Variants in RASAL2 observed in about 807,000 individuals in gnomAD.
RASAL2 encodes the protein RAS protein activator like 2.
Under a neutral mutation model 128.9 loss-of-function variants are expected in RASAL2, and 58 were observed. The ratio of observed to expected loss-of-function variants is 0.45; its 90% CI spans 0.36 to 0.56. The LOEUF (loss-of-function observed/expected upper bound fraction) is 0.56, where lower values mean the gene tolerates loss of function less well. Among genes scored for constraint, RASAL2 ranks in the 20% least tolerant of loss-of-function variants. The probability of loss-of-function intolerance (pLI) is 0.00; values close to 1 mark genes in which losing one functional copy is unlikely to be tolerated. For missense variants in RASAL2, 1,360 were observed against 1,601.6 expected (o/e 0.85, Z 2.57); for synonymous variants, 561 against 580.8 (o/e 0.97, Z 0.49).
Position 178,458,198 on chromosome 1 carries a change from A to T in RASAL2, c.2906A>T (p.Asn969Ile), listed in dbSNP as rs200117219. ...GACTTCAAGCTCAGTGGACCCAGCAATAGCAGCATGGAAGATTTCACTAAA... is the reference window on the plus strand; with the variant it reads ...GACTTCAAGCTCAGTGGACCCAGCATTAGCAGCATGGAAGATTTCACTAAA... ...SEDFKLSGPS[N>I]SSMEDFTKRS... Residue 969 changes from asparagine (N) to isoleucine (I), a missense_variant, in exon 14 of 18, where the codon AAT (asparagine) becomes ATT (isoleucine). This residue lies in a region of RASAL2 where 741 missense variants were observed against 868.6 expected (regional missense o/e 0.85). Coordinates refer to ENST00000367649, the MANE Select transcript of RASAL2 (RefSeq NM_170692.4). The T allele has an allele frequency of 6.2e-7, 1 of 1,614,152 alleles. No individual in the cohort carries two copies. Among genetic ancestry groups the T allele is most frequent in the African/African-American group, 1.3e-5 (1 of 74,950 alleles).
At chr1:178,298,876 A>T (rs1220250499) in intron 2 of RASAL2, among the ~76,000 whole-genome samples, 2 of 151,990 alleles carry the variant, frequency 1.3e-5, no homozygotes, top group Admixed American at 6.6e-5. Flanking sequence ...AAAAGCTACT[A>T]GTAAAATCTC....
intron 3 of RASAL2, among the ~76,000 whole-genome samples, chr1:178,357,837 T>C (rs2102465456): frequency 6.6e-6 from 1 of 152,326 alleles, no homozygotes; most frequent in South Asian, 2.1e-4. Flanking sequence ...TTTATTTGAC[T>C]ACTGTATAAT....
intron 2 of RASAL2, among the ~76,000 whole-genome samples, chr1:178,290,877 C>T (rs1024628560): frequency 1.3e-5 from 2 of 151,978 alleles, no homozygotes; most frequent in African/African-American, 2.4e-5. Context: ...AGGGTTTCAT[C>T]GTGTTAGCCA....
At chr1:178,113,025 T>G (rs1278895456) in intron 1 of RASAL2, among the ~76,000 whole-genome samples, 1 of 152,222 alleles carries the variant, frequency 6.6e-6, no homozygotes, top group Non-Finnish European at 1.5e-5. Context: ...CCATTTTGAT[T>G]GTATTTTTGT....
chr1:178,212,756 G>A (rs1015749750), intron 1 of RASAL2, among the ~76,000 whole-genome samples: 3 of 152,148 alleles, frequency 2.0e-5, no homozygotes, highest in African/African-American at 4.8e-5. Flanking sequence ...TCCCAAAAGT[G>A]TTGGGATTAC....
intron 3 of RASAL2, among the ~76,000 whole-genome samples, chr1:178,352,118 T>C (rs1670544174): frequency 1.3e-5 from 2 of 152,222 alleles, no homozygotes; most frequent in African/African-American, 4.8e-5. Flanking sequence ...ACATCACACA[T>C]AGGAATGCTA....
chr1:178,243,602 C>CAA (rs3041601), intron 1 of RASAL2, among the ~76,000 whole-genome samples: 2,922 of 121,844 alleles, frequency 0.024, 96 homozygotes, highest in African/African-American at 0.075. Context: ...TTGTTGTTAT[C>CAA]AAAAAAAAAA....
chr1:178,269,015 T>C (rs555635450), intron 1 of RASAL2, among the ~76,000 whole-genome samples: 59 of 152,352 alleles, frequency 3.9e-4, no homozygotes, highest in Non-Finnish European at 7.5e-4. Context: ...CCCAAAGTTA[T>C]TTTATGTTGA....
chr1:178,272,983 C>T (rs1571753930), intron 1 of RASAL2, among the ~76,000 whole-genome samples: 1 of 151,410 alleles, frequency 6.6e-6, no homozygotes, highest in African/African-American at 2.4e-5. Context: ...ATTTTTTTAA[C>T]CTTAAATTGA....
intron 3 of RASAL2, among the ~76,000 whole-genome samples, chr1:178,359,644 C>T (rs982988164): frequency 1.3e-5 from 2 of 152,140 alleles, no homozygotes; most frequent in Non-Finnish European, 2.9e-5. Context: ...CAGCTAATTA[C>T]ACTACTGCTG....
intron 3 of RASAL2, among the ~76,000 whole-genome samples, chr1:178,306,027 G>A (rs1431404026): frequency 6.6e-6 from 1 of 152,178 alleles, no homozygotes; most frequent in Non-Finnish European, 1.5e-5. Context: ...ATTGACAAGA[G>A]TTCTCCGACT....
chr1:178,308,161 A>G (rs1668080225), intron 3 of RASAL2, among the ~76,000 whole-genome samples: 1 of 152,156 alleles, frequency 6.6e-6, no homozygotes, highest in African/African-American at 2.4e-5. Flanking sequence ...AGAGTCCTCA[A>G]AAACCTATAA....
intron 1 of RASAL2, among the ~76,000 whole-genome samples, chr1:178,147,342 T>A (rs957199102): frequency 6.6e-6 from 1 of 151,812 alleles, no homozygotes. Flanking sequence ...TACAAAAAAT[T>A]AGCTGGGCGT....
chr1:178,177,342 T>C (rs975721136), intron 1 of RASAL2, among the ~76,000 whole-genome samples: 3 of 152,186 alleles, frequency 2.0e-5, no homozygotes, highest in Non-Finnish European at 2.9e-5. Context: ...TTTGTAGTAA[T>C]CTATGTATAT....
intron 1 of RASAL2, among the ~76,000 whole-genome samples, chr1:178,248,631 T>C (rs1485782683): frequency 6.6e-6 from 1 of 152,202 alleles, no homozygotes; most frequent in Non-Finnish European, 1.5e-5. Flanking sequence ...ATGCAGTTTC[T>C]TTATAGTGCT....
intron 1 of RASAL2, among the ~76,000 whole-genome samples, chr1:178,187,655 A>G (rs774685954): frequency 9.9e-5 from 15 of 152,128 alleles, no homozygotes; most frequent in South Asian, 2.1e-4. Flanking sequence ...TGATGGTTTG[A>G]TTTTTGTTGT....
intron 5 of RASAL2, among the ~76,000 whole-genome samples, chr1:178,437,037 C>A (rs115229113): frequency 6.6e-6 from 1 of 152,082 alleles, no homozygotes; most frequent in African/African-American, 2.4e-5. Flanking sequence ...ATGCCCCTTG[C>A]GTTATTCAAG....
At chr1:178,189,321 A>C (rs1378366791) in intron 1 of RASAL2, among the ~76,000 whole-genome samples, 1 of 152,144 alleles carries the variant, frequency 6.6e-6, no homozygotes, top group Non-Finnish European at 1.5e-5. Flanking sequence ...TCCATTTGTA[A>C]ATAGGGTTGT....
At chr1:178,158,249 AG>A (rs1171604931) in intron 1 of RASAL2, among the ~76,000 whole-genome samples, 6 of 152,256 alleles carry the variant, frequency 3.9e-5, no homozygotes, top group African/African-American at 1.2e-4. Flanking sequence ...AGTATAGCAA[AG>A]GAATAGGCTT....
Sources: allele counts gnomAD v4.1 joint callset (sites outside exome capture counted in the v4.1 genomes callset), GRCh38; gene constraint gnomAD v4.1.1; regional missense constraint gnomAD v4.1.1; transcripts MANE v1.5; gene names NCBI Gene and HGNC (gene_info 2026-07-23, HGNC 2026-07-21).